ZNF790: variants seen among roughly 807,000 people sequenced by gnomAD.
The protein encoded by ZNF790 is zinc finger protein 790.
In ZNF790, 8 loss-of-function variants were observed where a neutral mutation model predicts 12.1. The observed-to-expected ratio is 0.66, with a 90% CI of 0.39 to 1.19. The LOEUF (loss-of-function observed/expected upper bound fraction) is 1.19. Ranked by LOEUF, ZNF790 falls within the 50% of genes most tolerant of loss-of-function variation. The pLI, the probability that ZNF790 is intolerant of heterozygous loss-of-function variation, is 0.01. For missense variants in ZNF790, 707 were observed against 752.2 expected, an observed-to-expected ratio of 0.94 and a Z score of 0.70; for synonymous variants, 252 against 244.3, an observed-to-expected ratio of 1.03 and a Z score of -0.29.
chr19:36,820,182 G>C, intron 4 of ZNF790, 68 bp from the exon 5 acceptor site: 1 of 1,466,878 alleles, frequency 6.8e-7, no homozygotes, highest in Non-Finnish European at 9.0e-7. Flanking sequence ...TTCTAAAATA[G>C]ATATAGAAAA....
chr19:36,824,324 C>T (rs2071750284), intron 2 of ZNF790, among the ~76,000 whole-genome samples: 1 of 150,328 alleles, frequency 6.7e-6, no homozygotes. Flanking sequence ...TGTTCTTTTA[C>T]GAGACAGAGT....
At position 36,818,822 on chromosome 19, in the gene ZNF790, A is replaced by G. The variant is rs1334288763; in HGVS notation, c.1522T>C (p.Cys508Arg). ...KIHTGKRPYE[C>R]EECGKAFLWG... ...AGAAAGGCTTTTCCACATTCTTCAC[A>G]TTCATATGGCCTCTTTCCAGTATGA... Residue 508 changes from cysteine to arginine, a missense_variant, in exon 5 of 5, where the codon TGT (cysteine) becomes CGT (arginine). Cys to Arg is a radical substitution (Grantham distance 180). Transcript: ENST00000356725. The G allele has an allele frequency of 2.5e-6, 4 of 1,612,788 alleles. No homozygotes were observed. The South Asian group carries it at 3.3e-5, about 13-fold the overall frequency.
intron 1 of ZNF790, among the ~76,000 whole-genome samples, chr19:36,827,139 CACATATATATATAT>C (rs1265532943): frequency 5.7e-5 from 4 of 70,208 alleles, no homozygotes; most frequent in Admixed American, 3.1e-4. Flanking sequence ...CACACACACA[CACATATATATATAT>C]ATATATATAT....
intron 1 of ZNF790, among the ~76,000 whole-genome samples, chr19:36,829,104 A>AT (rs556219733): frequency 2.0e-4 from 30 of 150,552 alleles, no homozygotes; most frequent in Middle Eastern, 6.8e-3. Context: ...CATTGGTTGT[A>AT]TTTTTTTTTT....
chr19:36,831,083 G>A (rs1300197812), intron 1 of ZNF790, among the ~76,000 whole-genome samples: 2 of 151,976 alleles, frequency 1.3e-5, no homozygotes, highest in African/African-American at 2.4e-5. Flanking sequence ...AGGTTCCAGT[G>A]AGCCAAGATC....
chr19:36,849,096 G>T (rs2072213188), intron 1 of ZNF790, among the ~76,000 whole-genome samples: 1 of 151,626 alleles, frequency 6.6e-6, no homozygotes, highest in Non-Finnish European at 1.5e-5. Flanking sequence ...CTCATGCTTG[G>T]TTTTTTTGTT....
upstream of ZNF790, among the ~76,000 whole-genome samples, chr19:36,840,258 C>T (rs1352072731): frequency 2.0e-5 from 3 of 152,046 alleles, no homozygotes; most frequent in Non-Finnish European, 4.4e-5. Flanking sequence ...TGGCAGGGGA[C>T]CCCAAGACCA....
intron 1 of ZNF790, 36 bp from the exon 2 acceptor site, chr19:36,825,728 A>C: frequency 4.0e-6 from 5 of 1,244,746 alleles, no homozygotes; most frequent in Non-Finnish European, 5.9e-6. Flanking sequence ...GGCCTTTCTC[A>C]GAGCTCTCAA....
At chr19:36,826,928 GAC>G (rs2071817279) in intron 1 of ZNF790, among the ~76,000 whole-genome samples, 2 of 149,860 alleles carry the variant, frequency 1.3e-5, no homozygotes, top group Admixed American at 6.7e-5. Flanking sequence ...GAGAAGAAAA[GAC>G]ACACAATACC....
At position 36,818,394 on chromosome 19, in the gene ZNF790, G is replaced by T. The variant is rs2071588683; in HGVS notation, c.*39C>A. The T allele has an allele frequency of 6.7e-7, 1 of 1,482,378 alleles. No individual in the cohort carries two copies. Among genetic ancestry groups the T allele is most frequent in the African/African-American group, 1.4e-5 (1 of 71,458 alleles). The allele number at this position is 1,482,378 out of a possible 1,614,324, so 91.8% of individuals were successfully genotyped here. On this transcript the variant is annotated 3_prime_UTR_variant, in exon 5 of 5. Coordinates refer to ENST00000356725, the MANE Select transcript of ZNF790 (RefSeq NM_206894.4). ...AAAAATAAATGACATCAATTAATGA[G>T]TCATGAATAAAGCCCTTCCTACACT...
chr19:36,844,666 T>A (rs561259523), intron 1 of ZNF790, among the ~76,000 whole-genome samples: 81 of 152,022 alleles, frequency 5.3e-4, no homozygotes, highest in Admixed American at 1.4e-3. Context: ...TAGAATTCTA[T>A]AGTCAGTAAA....
intron 1 of ZNF790, among the ~76,000 whole-genome samples, chr19:36,827,141 CATATATATATATATAT>C (rs369671729): frequency 3.7e-4 from 31 of 84,442 alleles, no homozygotes; most frequent in Admixed American, 9.7e-4. Flanking sequence ...CACACACACA[CATATATATATATATAT>C]ATATATATAT....
chr19:36,842,841 T>C (rs546348099), upstream of ZNF790, among the ~76,000 whole-genome samples: 1 of 151,582 alleles, frequency 6.6e-6, no homozygotes, highest in African/African-American at 2.4e-5. Flanking sequence ...CTGTCTCTAC[T>C]AAAAATACAA....
rs765397039 is a variant in ZNF790 at position 36,823,392 on chromosome 19, AT to A, written c.134-13del. The stretch of plus-strand genomic sequence containing the variant: ...ATAAATGCAAAAACCTGCCCAGAAG[AT>A]GAGAAACAGCAAAGAACCACATTGT... On this transcript the variant is annotated splice_polypyrimidine_tract_variant and intron_variant, in intron 3 of 4. Coordinates refer to ENST00000356725, the MANE Select transcript of ZNF790 (RefSeq NM_206894.4). 1 of 1,611,990 alleles carries A rather than the reference AT, an allele frequency of 6.2e-7. No individual in the cohort carries two copies. The highest frequency in any genetic ancestry group is 8.5e-7 in the Non-Finnish European group (1 of 1,178,664).
chr19:36,818,299 TG>T lies in ZNF790; in HGVS notation c.*133del. On this transcript the variant is annotated 3_prime_UTR_variant, in exon 5 of 5. Transcript: ENST00000356725. Reference sequence around the variant, plus strand: ...AATTCTCTGCTGCTGCTGCTGCTGCTGCTGCTGGATGTGTGCTCTGTTAAAA... The same window carrying T: ...AATTCTCTGCTGCTGCTGCTGCTGCTCTGCTGGATGTGTGCTCTGTTAAAA... 1.4e-6 allele frequency: 1 copy of T among 739,118 alleles called. No individual in the cohort carries two copies. Among genetic ancestry groups the T allele is most frequent in the South Asian group, 3.6e-5 (1 of 27,552 alleles). 45.8% of individuals were successfully genotyped at this position (739,118 alleles called of 1,614,324 possible).
Position 36,823,313 on chromosome 19 carries a change from C to T in ZNF790, c.201G>A (p.Leu67=). The T allele has an allele frequency of 6.2e-7, 1 of 1,614,056 alleles. No homozygotes were observed. The highest frequency in any genetic ancestry group is 8.5e-7 in the Non-Finnish European group (1 of 1,180,000). ...LEKGKEPWKI[L]RDETRGPCPD... ...GGCAAGGTCCTCTTGTCTCATCCCT[C>T]AAAATCTTCCAGGGCTCTTTCCCTT... Residue 67 remains leucine, a synonymous_variant, in exon 4 of 5, where the codon TTG becomes TTA. Transcript: ENST00000356725.
At chr19:36,824,595 T>TA (rs1167482441) in intron 2 of ZNF790, among the ~76,000 whole-genome samples, 1 of 152,270 alleles carries the variant, frequency 6.6e-6, no homozygotes, top group East Asian at 1.9e-4. Flanking sequence ...CTGCACCCGG[T>TA]AAAAACTCCT....
Position 36,818,317 on chromosome 19 carries a change from C to T in ZNF790, c.*116G>A, listed in dbSNP as rs567086539. On this transcript the variant is annotated 3_prime_UTR_variant, in exon 5 of 5. Transcript: ENST00000356725. ...CTGCTGCTGCTGCTGGATGTGTGCT[C>T]TGTTAAAATGCCTTCCAATATTACT... is the stretch of plus-strand genomic sequence containing the variant. The T allele has an allele frequency of 4.4e-4, 428 of 972,054 alleles. 3 individuals are homozygous for T. The South Asian group carries it at 9.4e-3, about 21-fold the overall frequency. The allele number at this position is 972,054 out of a possible 1,614,324, so 60.2% of individuals were successfully genotyped here.
At chr19:36,842,874 G>A (rs945107830), upstream of ZNF790, among the ~76,000 whole-genome samples, 6 of 151,392 alleles carry the variant, frequency 4.0e-5, no homozygotes, top group African/African-American at 9.7e-5. Context: ...GCGTAGTGGC[G>A]GATGCCTGTA....
Sources: allele counts gnomAD v4.1 joint callset (sites outside exome capture counted in the v4.1 genomes callset), GRCh38; gene constraint gnomAD v4.1.1; transcripts MANE v1.5; gene names NCBI Gene and HGNC (gene_info 2026-07-23, HGNC 2026-07-21).